Variants in GUK1 observed in about 807,000 individuals in gnomAD.
The protein encoded by GUK1 is guanylate kinase 1, also known as guanylate kinase.
Under a neutral mutation model 25.2 loss-of-function variants are expected in GUK1, and 18 were observed. That is an observed-to-expected ratio of 0.71 (90% CI 0.49 to 1.06). The LOEUF (loss-of-function observed/expected upper bound fraction) is 1.06, where lower values mean the gene tolerates loss of function less well. Among genes scored for constraint, GUK1 ranks in the 50% least tolerant of loss-of-function variants. The pLI is 0.00. For missense variants in GUK1, 261 were observed against 276.7 expected (o/e 0.94, Z 0.40); for synonymous variants, 105 against 117.6 (o/e 0.89, Z 0.69).
chr1:228,142,619 A>T (rs538730171), intron 2 of GUK1, among the ~76,000 whole-genome samples: 1 of 152,018 alleles, frequency 6.6e-6, no homozygotes, highest in South Asian at 2.1e-4. Context: ...GCTGGGTTGC[A>T]TCTGTTGGTG....
chr1:228,147,047 G>A, intron 5 of GUK1, 109 bp downstream of exon 4: 1 of 801,626 alleles, frequency 1.2e-6, no homozygotes, highest in African/African-American at 1.7e-5. Flanking sequence ...CCATGGTTAT[G>A]AATGTGGCCA....
At chr1:228,147,322 G>A (rs2034437102) in intron 5 of GUK1, 84 bp from the exon 5 acceptor site, 1 of 1,348,348 alleles carries the variant, frequency 7.4e-7, no homozygotes, top group South Asian at 1.3e-5. Context: ...AGAACGCTGG[G>A]CCCGGGAGGG....
intron 2 of GUK1, chr1:228,145,222 C>T: frequency 8.4e-6 from 2 of 239,364 alleles, no homozygotes; most frequent in East Asian, 1.8e-4. Flanking sequence ...CTGACAGGGT[C>T]AGTGGGTTTC....
chr1:228,140,144 C>T (rs2033960687), upstream of GUK1: 2 of 628,262 alleles, frequency 3.2e-6, no homozygotes, highest in Admixed American at 3.1e-5. Flanking sequence ...GGAGGCGGGG[C>T]TAGCGAGGCA....
rs184259638 is a variant in GUK1, at chr1:228,145,971, G to T, written c.113-55G>T. On this transcript the variant is annotated intron_variant, in intron 3 of 8. Transcript: ENST00000312726. The stretch of plus-strand genomic sequence containing the variant: ...CTGTCGGGACTGCAAGGGAAACGCT[G>T]GGTGGGGCATTGGGCTCCGAGCAGC... 77 of 1,325,294 alleles carry T rather than the reference G, an allele frequency of 5.8e-5. No homozygotes were observed. In the Middle Eastern group the frequency reaches 2.2e-3, roughly 38 times the overall value. The allele number at this position is 1,325,294 out of a possible 1,614,324, so 82.1% of individuals were successfully genotyped here.
chr1:228,140,275 G>T, upstream of GUK1: 1 of 1,528,318 alleles, frequency 6.5e-7, no homozygotes, highest in Non-Finnish European at 8.8e-7. Flanking sequence ...TGTCACGTAG[G>T]TTCAGTGGGC....
chr1:228,147,333 C>T, intron 5 of GUK1, 73 bp from the exon 5 acceptor site: 1 of 1,444,308 alleles, frequency 6.9e-7, no homozygotes, highest in African/African-American at 1.4e-5. Flanking sequence ...CCCGGGAGGG[C>T]CTGGGTGTCC....
At chr1:228,146,557 T>G in intron 4 of GUK1, 1 of 426,716 alleles carries the variant, frequency 2.3e-6, no homozygotes. Context: ...CCCCAGAACC[T>G]GTTGGTCTCC....
chr1:228,144,858 C>A, intron 2 of GUK1: 1 of 342,734 alleles, frequency 2.9e-6, no homozygotes, highest in Non-Finnish European at 4.1e-6. Flanking sequence ...CCCTTGGGGG[C>A]TGGGAGGGAG....
intron 3 of GUK1, 160 bp from the exon 3 acceptor site, chr1:228,145,866 G>T: frequency 1.4e-6 from 1 of 717,880 alleles, no homozygotes; most frequent in Non-Finnish European, 2.4e-6. Flanking sequence ...GTTTCTTTCT[G>T]GGAGAACCCT....
intron 2 of GUK1, among the ~76,000 whole-genome samples, chr1:228,142,889 C>A (rs1035480554): frequency 8.6e-5 from 13 of 151,714 alleles, no homozygotes; most frequent in Non-Finnish European, 1.5e-5. Flanking sequence ...TCTGAGGACG[C>A]AAAAACTCCC....
intron 3 of GUK1, 142 bp from the exon 3 acceptor site, chr1:228,145,884 T>C (rs1002944489): frequency 1.3e-6 from 1 of 746,792 alleles, no homozygotes; most frequent in East Asian, 2.5e-5. Context: ...CCTCGCCTTG[T>C]AGGCTCCTGC....
intron 3 of GUK1, 118 bp downstream of exon 2, chr1:228,145,742 G>A (rs758035582): frequency 1.6e-5 from 20 of 1,261,442 alleles, no homozygotes; most frequent in African/African-American, 1.5e-4. Flanking sequence ...CAGACTGTCC[G>A]AACTCTTGCA....
At chr1:228,140,095 T>C, upstream of GUK1, 1 of 547,678 alleles carries the variant, frequency 1.8e-6, no homozygotes, top group Non-Finnish European at 3.2e-6. Flanking sequence ...GAGGGCGCTG[T>C]GCTGAACGCC....
chr1:228,146,658 G>A, intron 4 of GUK1, 184 bp from the exon 4 acceptor site: 1 of 611,330 alleles, frequency 1.6e-6, no homozygotes, highest in South Asian at 1.8e-5. Flanking sequence ...GAGAAATGGT[G>A]TCTGGCTCAG....
At position 228,146,892 on chromosome 1, in the gene GUK1, G is replaced by A. The variant is rs774673666; in HGVS notation, c.205G>A (p.Asp69Asn). The A allele has an allele frequency of 1.4e-5, 22 of 1,613,776 alleles. No individual in the cohort carries two copies. The highest frequency in any genetic ancestry group is 2.2e-5 in the East Asian group (1 of 44,892). ...GATGCAGCGTGACATAGCAGCCGGC[G>A]ACTTCATCGAGCATGCCGAGTTCTC... is the stretch of plus-strand genomic sequence containing the variant. Residue 69 changes from aspartate to asparagine, a missense_variant, in exon 5 of 9, where the codon GAC (aspartate) becomes AAC (asparagine). Asp to Asn is a conservative substitution (Grantham distance 23, BLOSUM62 1). Transcript: ENST00000312726.
At chr1:228,146,340 CCT>C in intron 4 of GUK1, 1 of 543,760 alleles carries the variant, frequency 1.8e-6, no homozygotes. Context: ...TGTCCCCAGC[CCT>C]GTCCTGGACT....
At chr1:228,141,772 G>A (rs774276304) in intron 2 of GUK1, 10 of 1,291,404 alleles carry the variant, frequency 7.7e-6, no homozygotes, top group South Asian at 1.3e-5. Context: ...GATCTGCGCC[G>A]GCGGCTCCCA....
chr1:228,147,012 C>A (rs564711457), intron 5 of GUK1, 74 bp downstream of exon 4: 3 of 993,538 alleles, frequency 3.0e-6, no homozygotes, highest in Non-Finnish European at 4.9e-6. Context: ...TGCCTGCTGC[C>A]TGCCCGCCAT....
Sources: gnomAD v4.1 joint callset for allele counts (sites outside exome capture counted in the v4.1 genomes callset) on GRCh38, gnomAD v4.1.1 for gene constraint, MANE v1.5 for transcripts, NCBI Gene and HGNC (gene_info 2026-07-23, HGNC 2026-07-21) for gene names.